Variants in CCT2 observed in about 807,000 individuals in gnomAD.
The protein encoded by CCT2 is chaperonin containing TCP1 subunit 2.
A neutral mutation model predicts 61.8 loss-of-function variants in CCT2; 18 were observed. That is an observed-to-expected ratio of 0.29 (90% CI 0.20 to 0.43). CCT2 has a LOEUF of 0.43. CCT2 is among the 20% of genes least tolerant of loss of function. The pLI, the probability that CCT2 is intolerant of heterozygous loss-of-function variation, is 1.00. For synonymous variants in CCT2, 248 were observed against 215.9 expected (o/e 1.15, Z -1.30); for missense variants, 556 against 656.9 (o/e 0.85, Z 1.68).
In CCT2 at chr12:69,586,357, C is replaced by T. The variant is rs749771956; in HGVS notation, c.78+13C>T. 4 of 1,594,122 alleles carry T rather than the reference C, an allele frequency of 2.5e-6. No homozygotes were observed. Among genetic ancestry groups the T allele is most frequent in the Admixed American group, 1.7e-5 (1 of 59,982 alleles). On this transcript the variant is annotated intron_variant, in intron 2 of 15. Transcript: ENST00000299300. The stretch of plus-strand genomic sequence containing the variant: ...GACAGCTCGTCTGGTAAGCCTTGTT[C>T]TAAGCATTGTTTTAAAGATAAAACT...
chr12:69,587,384 G>A (rs909708847), intron 3 of CCT2, 121 bp from the exon 4 acceptor site: 1 of 595,244 alleles, frequency 1.7e-6, no homozygotes. Flanking sequence ...TTGATGAATG[G>A]ATACCACAAA....
intron 4 of CCT2, 134 bp from the exon 5 acceptor site, chr12:69,587,796 C>G (rs1043777952): frequency 1.4e-5 from 11 of 783,580 alleles, no homozygotes; most frequent in African/African-American, 1.2e-4. Context: ...AAAACTGTTG[C>G]ATTTCAGACC....
chr12:69,597,201 T>A lies in CCT2; in HGVS notation c.1028T>A (p.Leu343His). 1 of 1,614,012 alleles carries A rather than the reference T, an allele frequency of 6.2e-7. No individual in the cohort carries two copies. Among genetic ancestry groups the A allele is most frequent in the Non-Finnish European group, 8.5e-7 (1 of 1,179,862 alleles). Reference protein sequence around the residue: ...STFDHPELVKLGSCKLIEEVM... With the variant: ...STFDHPELVKHGSCKLIEEVM... ...TTTGATCACCCAGAACTGGTGAAGC[T>A]TGGAAGTTGCAAACTTATCGAGGAA... The change falls in exon 11 of 16, where the codon CTT becomes CAT. Residue 343 changes from leucine (L) to histidine (H), a missense_variant. Transcript: ENST00000299300.
chr12:69,586,454 G>A (rs1881660766), intron 2 of CCT2, 110 bp downstream of exon 2: 1 of 785,426 alleles, frequency 1.3e-6, no homozygotes, highest in African/African-American at 1.7e-5. Flanking sequence ...GATGAACTGA[G>A]GTCAGGAGTT....
intron 10 of CCT2, among the ~76,000 whole-genome samples, chr12:69,593,917 C>A (rs1881910090): frequency 6.6e-6 from 1 of 151,766 alleles, no homozygotes. Flanking sequence ...GCAGCCAGAT[C>A]GCTTGAGCTC....
intron 2 of CCT2, among the ~76,000 whole-genome samples, 199 bp from the exon 3 acceptor site, chr12:69,586,554 G>C (rs1881665779): frequency 6.6e-6 from 1 of 152,024 alleles, no homozygotes; most frequent in South Asian, 2.1e-4. Flanking sequence ...TGTAATCCCA[G>C]CTACTCGGGA....
At chr12:69,585,680 C>T (rs1031631632) in intron 1 of CCT2, 156 bp downstream of exon 1, 3 of 1,514,132 alleles carry the variant, frequency 2.0e-6, no homozygotes, top group South Asian at 1.2e-5. Flanking sequence ...GCGGCCTGCG[C>T]CAGGCCAGCC....
intron 10 of CCT2, 87 bp from the exon 11 acceptor site, chr12:69,597,069 C>A: frequency 2.5e-6 from 3 of 1,188,614 alleles, no homozygotes; most frequent in Non-Finnish European, 2.4e-6. Context: ...AACACATTAC[C>A]TATCATTATC....
At position 69,588,240 on chromosome 12, in the gene CCT2, T is replaced by C. The variant is rs1247568006; in HGVS notation, c.424T>C (p.Leu142=). 6.2e-7 allele frequency: 1 copy of C among 1,613,498 alleles called. No individual in the cohort carries two copies. Among genetic ancestry groups the C allele is most frequent in the East Asian group, 2.2e-5 (1 of 44,890 alleles). The change falls in exon 6 of 16, where the codon TTG becomes CTG. Residue 142 remains leucine (L), a synonymous_variant. Coordinates refer to ENST00000299300, the MANE Select transcript of CCT2 (RefSeq NM_006431.3). ...CACGAAGGCTGCAAGAGAGGCGCTG[T>C]TGAGTTCTGCAGTTGATCATGGGTT... The part of the protein sequence containing the change: ...EATKAAREAL[L]SSAVDHGSDE...
chr12:69,586,918 G>T, intron 3 of CCT2, 100 bp downstream of exon 3: 1 of 720,118 alleles, frequency 1.4e-6, no homozygotes, highest in Admixed American at 2.9e-5. Flanking sequence ...TCTTTAAAAC[G>T]TTTAATTATA....
At chr12:69,586,849 ATAT>A (rs1881679411) in intron 3 of CCT2, 31 bp downstream of exon 3, 1 of 1,395,000 alleles carries the variant, frequency 7.2e-7, no homozygotes, top group Non-Finnish European at 9.9e-7. Context: ...TTATATTTTA[ATAT>A]TGTTTTAGAG....
Position 69,597,227 on chromosome 12 carries a change from G to C in CCT2, c.1054G>C (p.Val352Leu). The stretch of plus-strand genomic sequence containing the variant: ...TGGAAGTTGCAAACTTATCGAGGAA[G>C]TCATGATTGGAGAAGACAAACTCAT... ...KLGSCKLIEEVMIGEDKLIHF... is the reference protein window; with the variant it reads ...KLGSCKLIEELMIGEDKLIHF... Residue 352 changes from valine (V) to leucine (L), a missense_variant, in exon 11 of 16, where the codon GTC (valine) becomes CTC (leucine). Val to Leu is a conservative substitution (Grantham distance 32). Coordinates refer to ENST00000299300, the MANE Select transcript of CCT2 (RefSeq NM_006431.3). The C allele has an allele frequency of 3.7e-6, 6 of 1,614,046 alleles. No homozygotes were observed. The highest frequency in any genetic ancestry group is 5.1e-6 in the Non-Finnish European group (6 of 1,179,912).
rs1439983234 is a variant in CCT2, at chr12:69,597,735, T to C, written c.1200T>C (p.Thr400=). The C allele has an allele frequency of 5.0e-6, 8 of 1,613,670 alleles. No homozygotes were observed. The highest frequency in any genetic ancestry group is 1.1e-5 in the South Asian group (1 of 91,058). The change falls in exon 12 of 16, where the codon ACT becomes ACC. Residue 400 remains threonine, a synonymous_variant. Transcript: ENST00000299300. ...ATGCTCTTTGTGTTCTTGCGCAAAC[T>C]GTAAAGGACTCTAGAACAGTTTATG... is the stretch of plus-strand genomic sequence containing the variant. The part of the protein sequence containing the change: ...LHDALCVLAQ[T]VKDSRTVYGG...
rs374798555 is a variant in CCT2 at position 69,586,392 on chromosome 12, G to T, written c.78+48G>T. ...TTTTAAAGATAAAACTGGAGGCCAGGCGCGGTGGCTTACTCCTGTAATCCC... is the reference window on the plus strand; with the variant it reads ...TTTTAAAGATAAAACTGGAGGCCAGTCGCGGTGGCTTACTCCTGTAATCCC... On this transcript the variant is annotated intron_variant, in intron 2 of 15. Coordinates refer to ENST00000299300, the MANE Select transcript of CCT2 (RefSeq NM_006431.3). 1.8e-5 allele frequency: 25 copies of T among 1,361,220 alleles called. No individual in the cohort carries two copies. The African/African-American group carries it at 2.0e-4, about 11-fold the overall frequency. 84.3% of individuals were successfully genotyped at this position (1,361,220 alleles called of 1,614,324 possible).
At position 69,597,238 on chromosome 12, in the gene CCT2, A is replaced by T; in HGVS notation, c.1065A>T (p.Gly355=). The change falls in exon 11 of 16, where the codon GGA becomes GGT. Residue 355 remains glycine (G), a synonymous_variant. Coordinates refer to ENST00000299300, the MANE Select transcript of CCT2 (RefSeq NM_006431.3). ...SCKLIEEVMI[G]EDKLIHFSGV... ...AACTTATCGAGGAAGTCATGATTGG[A>T]GAAGACAAACTCATTCACTTTTCTG... is the stretch of plus-strand genomic sequence containing the variant. 1 of 1,614,034 alleles carries T rather than the reference A, an allele frequency of 6.2e-7. No homozygotes were observed. The highest frequency in any genetic ancestry group is 8.5e-7 in the Non-Finnish European group (1 of 1,179,916).
intron 8 of CCT2, 34 bp from the exon 9 acceptor site, chr12:69,592,942 A>G: frequency 6.3e-7 from 1 of 1,598,944 alleles, no homozygotes; most frequent in African/African-American, 1.4e-5. Flanking sequence ...AAAATAATGA[A>G]ACTGATGCTC....
At chr12:69,591,865 A>G (rs1277078220) in intron 7 of CCT2, among the ~76,000 whole-genome samples, 194 bp from the exon 8 acceptor site, 1 of 148,340 alleles carries the variant, frequency 6.7e-6, no homozygotes, top group African/African-American at 2.4e-5. Context: ...TCAGGCGCTA[A>G]AAGCCTAAAA....
chr12:69,592,549 T>C (rs1243972735), intron 8 of CCT2: 1 of 177,380 alleles, frequency 5.6e-6, no homozygotes, highest in Admixed American at 5.7e-5. Flanking sequence ...ACTAAAAAGC[T>C]TGGAATAGGT....
At chr12:69,595,750 A>G (rs1881970381) in intron 10 of CCT2, among the ~76,000 whole-genome samples, 2 of 152,080 alleles carry the variant, frequency 1.3e-5, no homozygotes, top group Non-Finnish European at 2.9e-5. Context: ...TGGGATAAAC[A>G]TATCGTAAGG....
Sources: gnomAD v4.1 joint callset for allele counts (sites outside exome capture counted in the v4.1 genomes callset) on GRCh38, gnomAD v4.1.1 for gene constraint, MANE v1.5 for transcripts, NCBI Gene and HGNC (gene_info 2026-07-23, HGNC 2026-07-21) for gene names.